The following SUMF1 variants were observed in gnomAD, a reference collection of about 807,000 sequenced individuals.
The protein encoded by SUMF1 is formylglycine-generating enzyme.
A neutral mutation model predicts 47.6 loss-of-function variants in SUMF1; 48 were observed. The observed-to-expected ratio is 1.01, with a 90% confidence interval of 0.80 to 1.28. The LOEUF (loss-of-function observed/expected upper bound fraction) is 1.28, where lower values mean the gene tolerates loss of function less well. Ranked by LOEUF, SUMF1 falls within the 50% of genes most tolerant of loss-of-function variation. The pLI, the probability that SUMF1 is intolerant of heterozygous loss-of-function variation, is 0.00. For synonymous variants in SUMF1, 230 were observed against 192.1 expected, an observed-to-expected ratio of 1.20 and a Z score of -1.63; for missense variants, 571 against 485.4, an observed-to-expected ratio of 1.18 and a Z score of -1.66.
chr3:4,201,072 G>A (rs1199887253), intron 8 of SUMF1, among the ~76,000 whole-genome samples: 3 of 151,932 alleles, frequency 2.0e-5, no homozygotes, highest in African/African-American at 4.8e-5. Context: ...CATACAATGT[G>A]CAATAATCAC....
At chr3:4,336,627 C>T (rs1314478905) in intron 8 of SUMF1, among the ~76,000 whole-genome samples, 2 of 152,042 alleles carry the variant, frequency 1.3e-5, no homozygotes, top group Non-Finnish European at 2.9e-5. Flanking sequence ...TGAAAGGAAG[C>T]CAAGAAGAAC....
intron 8 of SUMF1, among the ~76,000 whole-genome samples, chr3:4,221,628 T>C (rs2125174799): frequency 6.6e-6 from 1 of 152,248 alleles, no homozygotes; most frequent in South Asian, 2.1e-4. Context: ...AGTTATTTGA[T>C]AAATGTTTAC....
chr3:4,260,690 T>C (rs1405827315), intron 8 of SUMF1, among the ~76,000 whole-genome samples: 3 of 151,908 alleles, frequency 2.0e-5, no homozygotes, highest in Admixed American at 6.6e-5. Context: ...AGCTGAGATC[T>C]CGCCACTGCA....
intron 7 of SUMF1, among the ~76,000 whole-genome samples, chr3:4,381,254 A>AT (rs1700495031): frequency 1.3e-5 from 2 of 152,180 alleles, no homozygotes; most frequent in Admixed American, 6.5e-5. Flanking sequence ...ACCAAACATC[A>AT]TATGTTCTCA....
At chr3:4,247,977 G>C (rs1035907535) in intron 8 of SUMF1, among the ~76,000 whole-genome samples, 7 of 152,156 alleles carry the variant, frequency 4.6e-5, no homozygotes, top group Non-Finnish European at 7.4e-5. Flanking sequence ...ACTTTGCAAA[G>C]GCATGGGGAA....
Position 4,152,449 on chromosome 3 carries a change from G to A in SUMF1, c.1015-83704C>T, listed in dbSNP as rs948195818. 1.5e-4 allele frequency among the ~76,000 whole-genome samples: 23 copies of A among 150,996 alleles called. 1 individual carries two copies. Among genetic ancestry groups the A allele is most frequent in the African/African-American group, 5.7e-4 (23 of 40,554 alleles). On this transcript the variant is annotated intron_variant and NMD_transcript_variant, in intron 8 of 12. Coordinates refer to the SUMF1 transcript ENST00000448413. ...ACTACAGGCACAGGCCCCAACACCC[G>A]GATTTGCTTTTTTTTTTTCTTTTTC... is the stretch of plus-strand genomic sequence containing the variant.
intron 8 of SUMF1, among the ~76,000 whole-genome samples, chr3:4,233,238 G>A (rs1696340007): frequency 6.6e-6 from 1 of 152,122 alleles, no homozygotes; most frequent in Admixed American, 6.6e-5. Flanking sequence ...ATGGCATTAT[G>A]AGAGATGTCA....
At chr3:4,335,790 T>A (rs1347375605) in intron 8 of SUMF1, among the ~76,000 whole-genome samples, 1 of 151,626 alleles carries the variant, frequency 6.6e-6, no homozygotes, top group African/African-American at 2.4e-5. Flanking sequence ...TGAAACCCCA[T>A]CTCTACTAAA....
At chr3:4,390,753 T>C (rs1206736163) in intron 7 of SUMF1, among the ~76,000 whole-genome samples, 1 of 152,134 alleles carries the variant, frequency 6.6e-6, no homozygotes, top group African/African-American at 2.4e-5. Flanking sequence ...TGGCTAATTT[T>C]TGTATTTTTT....
At chr3:4,308,038 A>AG (rs1698259643) in intron 8 of SUMF1, among the ~76,000 whole-genome samples, 1 of 152,100 alleles carries the variant, frequency 6.6e-6, no homozygotes, top group African/African-American at 2.4e-5. Flanking sequence ...AAAAAAAAAA[A>AG]TCCCATTCTC....
chr3:4,188,327 G>A (rs562626856), intron 8 of SUMF1, among the ~76,000 whole-genome samples: 1 of 151,870 alleles, frequency 6.6e-6, no homozygotes, highest in African/African-American at 2.4e-5. Flanking sequence ...AGGAGGCAGG[G>A]TTCACTCTTG....
At chr3:4,211,457 A>C (rs1033099221) in intron 8 of SUMF1, among the ~76,000 whole-genome samples, 1 of 151,854 alleles carries the variant, frequency 6.6e-6, no homozygotes, top group African/African-American at 2.4e-5. Flanking sequence ...GTTTGCTAAG[A>C]TAATGGCCTC....
intron 8 of SUMF1, among the ~76,000 whole-genome samples, chr3:4,337,229 CCTTA>C (rs776363319): frequency 1.6e-3 from 12 of 7,416 alleles, no homozygotes; most frequent in Non-Finnish European, 2.1e-3. Context: ...TTCCTTCCTT[CCTTA>C]CTTCCTTCCC....
rs577937439 is a variant in SUMF1 at position 4,174,228 on chromosome 3, C to T, written c.1015-105483G>A. The stretch of plus-strand genomic sequence containing the variant: ...AAAATTAGCCAGGCATGGTGGCAGG[C>T]ACCTGTAGTCCCAGCTACTCGGGAG... On this transcript the variant is annotated intron_variant and NMD_transcript_variant, in intron 8 of 12. Transcript: ENST00000448413. Among the ~76,000 whole-genome samples the T allele has an allele frequency of 6.6e-5, 10 of 151,832 alleles. No individual in the cohort carries two copies. The South Asian group carries it at 2.1e-3, about 32-fold the overall frequency.
At chr3:4,237,419 A>T (rs1396492079) in intron 8 of SUMF1, among the ~76,000 whole-genome samples, 1 of 152,032 alleles carries the variant, frequency 6.6e-6, no homozygotes, top group Non-Finnish European at 1.5e-5. Flanking sequence ...TGTCACTTGT[A>T]TACCTTCTTT....
intron 1 of SUMF1, among the ~76,000 whole-genome samples, chr3:4,462,077 T>C (rs1046161002): frequency 3.3e-5 from 5 of 152,224 alleles, no homozygotes; most frequent in African/African-American, 7.2e-5. Flanking sequence ...TGGGCACTGC[T>C]ATTTTGGTCC....
chr3:4,411,026 A>G, intron 6 of SUMF1, 48 bp from the exon 7 acceptor site: 1 of 1,446,294 alleles, frequency 6.9e-7, no homozygotes, highest in Non-Finnish European at 9.7e-7. Context: ...CACCTGGTTT[A>G]AAAAACATCT....
chr3:4,233,946 C>T (rs1696354526), intron 8 of SUMF1, among the ~76,000 whole-genome samples: 1 of 151,958 alleles, frequency 6.6e-6, no homozygotes, highest in Non-Finnish European at 1.5e-5. Context: ...CTAGGTCACA[C>T]TTACCTAATT....
chr3:4,197,051 C>A, intron 8 of SUMF1, among the ~76,000 whole-genome samples: 1 of 152,024 alleles, frequency 6.6e-6, no homozygotes, highest in Non-Finnish European at 1.5e-5. Context: ...CAAAGACAAC[C>A]ATCAGTGACT....
Sources: gnomAD v4.1 joint callset for allele counts (sites outside exome capture counted in the v4.1 genomes callset) on GRCh38, gnomAD v4.1.1 for gene constraint, MANE v1.5 for transcripts, NCBI Gene and HGNC (gene_info 2026-07-23, HGNC 2026-07-21) for gene names.